TASP1: variants seen among roughly 807,000 people sequenced by gnomAD.
The protein encoded by TASP1 is threonine aspartase 1.
In TASP1, 16 loss-of-function variants were observed where a neutral mutation model predicts 56.6. The observed-to-expected ratio is 0.28, with a 90% CI of 0.19 to 0.43. The LOEUF is 0.43. Ranked by LOEUF, TASP1 falls within the 20% of genes least tolerant of loss-of-function variation. The pLI is 1.00. For synonymous variants in TASP1, 179 were observed against 184.2 expected (o/e 0.97, Z 0.23); for missense variants, 393 against 511.6 (o/e 0.77, Z 2.24).
the TASP1 span, among the ~76,000 whole-genome samples, chr20:13,228,155 T>C: frequency 6.6e-6 from 1 of 151,888 alleles, no homozygotes; most frequent in Non-Finnish European, 1.5e-5. Context: ...GTATTTTTAG[T>C]AGAGATGGAG....
the TASP1 span, among the ~76,000 whole-genome samples, chr20:13,331,036 T>C: frequency 6.6e-6 from 1 of 152,188 alleles, no homozygotes; most frequent in African/African-American, 2.4e-5. Flanking sequence ...CATGATTTTC[T>C]TCTGTCTGCT....
At chr20:13,531,788 C>G (rs144799446) in intron 9 of TASP1, among the ~76,000 whole-genome samples, 6,508 of 152,270 alleles carry the variant, frequency 0.043, 201 homozygotes, top group Non-Finnish European at 0.062. Context: ...CTTATCCCCC[C>G]CAACTGGCTG....
At chr20:13,327,299 A>T in the TASP1 span, among the ~76,000 whole-genome samples, 1 of 152,220 alleles carries the variant, frequency 6.6e-6, no homozygotes, top group Non-Finnish European at 1.5e-5. Flanking sequence ...CCACTGCTCA[A>T]GAAAATCAGA....
At chr20:13,600,410 T>C (rs1189908382) in intron 4 of TASP1, 3 of 152,142 alleles carry the variant, frequency 2.0e-5, no homozygotes, top group Non-Finnish European at 2.9e-5. Context: ...AGAGATGGAA[T>C]AGAGTTCAGA....
At chr20:13,519,976 T>C (rs1351890251) in intron 10 of TASP1, among the ~76,000 whole-genome samples, 1 of 151,948 alleles carries the variant, frequency 6.6e-6, no homozygotes, top group Non-Finnish European at 1.5e-5. Context: ...TATACACCAA[T>C]AACAGACAAA....
At chr20:13,391,743 A>G (rs904462346) in intron 13 of TASP1, among the ~76,000 whole-genome samples, 17 of 151,928 alleles carry the variant, frequency 1.1e-4, no homozygotes, top group African/African-American at 4.1e-4. Flanking sequence ...CGAGGCGGGC[A>G]GATCACGAGG....
chr20:13,554,105 T>G (rs111810962), intron 8 of TASP1, among the ~76,000 whole-genome samples: 1 of 152,096 alleles, frequency 6.6e-6, no homozygotes. Context: ...AATGCAGATG[T>G]GACATCTAAA....
At chr20:13,434,935 A>C (rs2042950658) in intron 12 of TASP1, 109 bp downstream of exon 12, 2 of 679,018 alleles carry the variant, frequency 2.9e-6, no homozygotes, top group Non-Finnish European at 4.9e-6. Context: ...TCAATAAAGC[A>C]TGCTGACCCT....
In TASP1 at chr20:13,513,674, C is replaced by T. The variant is rs892217282; in HGVS notation, c.874+14759G>A. On this transcript the variant is annotated intron_variant, in intron 10 of 13. Transcript: ENST00000337743. ...TATTAAATAATAAGAGTTGCCCAGA[C>T]TTGTAGATTAATAAGACAAACCTGT... Among the ~76,000 whole-genome samples, 8 of 152,242 alleles carry T rather than the reference C, an allele frequency of 5.3e-5. 1 individual carries two copies. The South Asian group carries it at 1.5e-3, about 28-fold the overall frequency.
chr20:13,324,542 T>C, the TASP1 span, among the ~76,000 whole-genome samples: 1 of 152,192 alleles, frequency 6.6e-6, no homozygotes, highest in African/African-American at 2.4e-5. Flanking sequence ...TGAGAGACTT[T>C]TGGAAGAAAC....
chr20:13,569,484 AT>A (rs759680118), intron 7 of TASP1, 22 bp downstream of exon 7: 8 of 1,595,992 alleles, frequency 5.0e-6, no homozygotes, highest in South Asian at 2.2e-5. Flanking sequence ...ATATAGCTTA[AT>A]TTTTTTTAAG....
chr20:13,471,845 G>A (rs1340340798), intron 11 of TASP1, among the ~76,000 whole-genome samples: 2 of 152,160 alleles, frequency 1.3e-5, no homozygotes, highest in Non-Finnish European at 2.9e-5. Context: ...AGACCACGGA[G>A]GGAGAGCCAA....
the TASP1 span, among the ~76,000 whole-genome samples, chr20:13,276,413 G>A: frequency 6.6e-6 from 1 of 152,016 alleles, no homozygotes; most frequent in Non-Finnish European, 1.5e-5. Context: ...GAGAAGGAAA[G>A]CTGATCAAGG....
the TASP1 span, among the ~76,000 whole-genome samples, chr20:13,133,935 C>A: frequency 6.6e-6 from 1 of 152,302 alleles, no homozygotes; most frequent in Admixed American, 6.5e-5. Context: ...GGGCCTCAAT[C>A]CCCTGTATGA....
At chr20:13,470,177 C>T (rs1291372278) in intron 11 of TASP1, among the ~76,000 whole-genome samples, 2 of 152,092 alleles carry the variant, frequency 1.3e-5, no homozygotes, top group African/African-American at 2.4e-5. Context: ...TCCTATTCTT[C>T]AACCTCCTGA....
chr20:13,369,754 G>A, the TASP1 span, among the ~76,000 whole-genome samples: 3 of 152,136 alleles, frequency 2.0e-5, no homozygotes, highest in African/African-American at 7.2e-5. Context: ...CTCAGATGAT[G>A]GCTATCAAGT....
At chr20:13,256,467 C>G in the TASP1 span, among the ~76,000 whole-genome samples, 1 of 151,636 alleles carries the variant, frequency 6.6e-6, no homozygotes, top group Non-Finnish European at 1.5e-5. Flanking sequence ...ATCCCAAAAC[C>G]CATCTTGTGC....
the TASP1 span, among the ~76,000 whole-genome samples, chr20:13,365,801 A>T: frequency 6.6e-6 from 1 of 152,196 alleles, no homozygotes; most frequent in Non-Finnish European, 1.5e-5. Flanking sequence ...AAGAGATGTG[A>T]TGATTTATGT....
chr20:13,403,071 G>A (rs1343377815), intron 13 of TASP1, among the ~76,000 whole-genome samples: 1 of 152,206 alleles, frequency 6.6e-6, no homozygotes, highest in Admixed American at 6.5e-5. Context: ...TTTTTAGAAA[G>A]AGCTCCTTTG....
Sources: allele counts gnomAD v4.1 joint callset (sites outside exome capture counted in the v4.1 genomes callset), GRCh38; gene constraint gnomAD v4.1.1; transcripts MANE v1.5; gene names NCBI Gene and HGNC (gene_info 2026-07-23, HGNC 2026-07-21).